ATAD2B: variants seen among roughly 807,000 people sequenced by gnomAD.
The protein encoded by ATAD2B is ATPase family AAA domain-containing protein 2B.
A neutral mutation model predicts 167.6 loss-of-function variants in ATAD2B; 40 were observed. The observed-to-expected ratio is 0.24, with a 90% CI of 0.19 to 0.31. The LOEUF is 0.31. Among genes scored for constraint, ATAD2B ranks in the 10% least tolerant of loss-of-function variants. The pLI is 1.00. For missense variants in ATAD2B, 1,242 were observed against 1,757.2 expected (o/e 0.71, Z 5.24); for synonymous variants, 579 against 596.5 (o/e 0.97, Z 0.43).
the ATAD2B span, among the ~76,000 whole-genome samples, chr2:23,721,400 C>A: frequency 6.6e-6 from 1 of 152,184 alleles, no homozygotes; most frequent in African/African-American, 2.4e-5. Flanking sequence ...CCATAGGCTG[C>A]CCCTGGAGGT....
At chr2:23,904,164 T>C (rs574696878) in intron 1 of ATAD2B, among the ~76,000 whole-genome samples, 6 of 152,072 alleles carry the variant, frequency 3.9e-5, no homozygotes, top group African/African-American at 1.2e-4. Flanking sequence ...AAAATGATCA[T>C]AGGTAACGTA....
At chr2:23,828,531 T>C (rs1292254924) in intron 15 of ATAD2B, among the ~76,000 whole-genome samples, 3 of 152,184 alleles carry the variant, frequency 2.0e-5, no homozygotes, top group African/African-American at 4.8e-5. Context: ...TTCAAGCTTA[T>C]TTTTCTTAGT....
chr2:23,852,413 T>TC (rs1385321842), intron 13 of ATAD2B, among the ~76,000 whole-genome samples: 1 of 152,004 alleles, frequency 6.6e-6, no homozygotes, highest in African/African-American at 2.4e-5. Flanking sequence ...GCATGCACCA[T>TC]CACACCCAGT....
chr2:23,768,714 T>C (rs920062204), intron 22 of ATAD2B, among the ~76,000 whole-genome samples: 9 of 152,228 alleles, frequency 5.9e-5, no homozygotes, highest in African/African-American at 2.2e-4. Context: ...GATCAGTTTA[T>C]ATTTTCTAGA....
intron 18 of ATAD2B, among the ~76,000 whole-genome samples, chr2:23,805,334 C>T (rs1684192957): frequency 6.6e-6 from 1 of 152,106 alleles, no homozygotes; most frequent in African/African-American, 2.4e-5. Context: ...GCCAAAGCAA[C>T]CATATTAACA....
chr2:23,694,871 C>T, the ATAD2B span, among the ~76,000 whole-genome samples: 1 of 152,148 alleles, frequency 6.6e-6, no homozygotes, highest in East Asian at 1.9e-4. Flanking sequence ...TCTTGCCCCT[C>T]GTGAATTTTT....
intron 13 of ATAD2B, among the ~76,000 whole-genome samples, chr2:23,850,290 G>C (rs1692364675): frequency 6.6e-6 from 1 of 152,066 alleles, no homozygotes. Context: ...CACAATGACT[G>C]TGTCAAAGAA....
chr2:23,808,991 G>C (rs1292681002), intron 18 of ATAD2B: 1 of 152,032 alleles, frequency 6.6e-6, no homozygotes, highest in Non-Finnish European at 1.5e-5. Context: ...TAATTCACCT[G>C]TGAAACCATC....
intron 13 of ATAD2B, among the ~76,000 whole-genome samples, chr2:23,853,068 A>C (rs1160872461): frequency 6.6e-6 from 1 of 152,226 alleles, no homozygotes. Context: ...AAACTCTCAC[A>C]GCAAACTAGG....
At chr2:23,907,004 C>T (rs1701603453) in intron 1 of ATAD2B, among the ~76,000 whole-genome samples, 1 of 149,618 alleles carries the variant, frequency 6.7e-6, no homozygotes, top group Non-Finnish European at 1.5e-5. Flanking sequence ...CACTCACAGC[C>T]AATATCATAC....
intron 17 of ATAD2B, among the ~76,000 whole-genome samples, chr2:23,818,324 CAG>C (rs1686898482): frequency 1.8e-5 from 2 of 112,300 alleles, no homozygotes; most frequent in African/African-American, 7.2e-5. Flanking sequence ...GAGAGAGAGA[CAG>C]AGAGACACAG....
At chr2:23,729,901 G>A in the ATAD2B span, among the ~76,000 whole-genome samples, 33 of 152,102 alleles carry the variant, frequency 2.2e-4, 1 homozygote, top group African/African-American at 7.7e-4. Flanking sequence ...ATACATGAAG[G>A]AAAAACTGAT....
chr2:23,736,294 T>C, the ATAD2B span, among the ~76,000 whole-genome samples: 1 of 152,196 alleles, frequency 6.6e-6, no homozygotes, highest in Admixed American at 6.5e-5. Flanking sequence ...GGGAAGACTC[T>C]GCTCTCTCCT....
chr2:23,693,288 C>T, the ATAD2B span: 3 of 1,542,768 alleles, frequency 1.9e-6, no homozygotes, highest in South Asian at 3.6e-5. Flanking sequence ...TGACGGCCAG[C>T]AACTGCCTGG....
chr2:23,926,411 A>C (rs1573498956), intron 1 of ATAD2B, 144 bp downstream of exon 1: 1 of 1,396,334 alleles, frequency 7.2e-7, no homozygotes, highest in South Asian at 1.5e-5. Flanking sequence ...TCTGGGTGCC[A>C]CCCTCCACCG....
At chr2:23,868,078 A>G (rs937254890) in intron 9 of ATAD2B, 132 bp from the exon 10 acceptor site, 1 of 641,488 alleles carries the variant, frequency 1.6e-6, no homozygotes, top group African/African-American at 1.9e-5. Context: ...ATATCAAAGG[A>G]TTTCATACTT....
chr2:23,842,389 C>T (rs1271123027), intron 13 of ATAD2B, among the ~76,000 whole-genome samples: 1 of 152,070 alleles, frequency 6.6e-6, no homozygotes, highest in Non-Finnish European at 1.5e-5. Flanking sequence ...AAAACAACTA[C>T]AAAGCCTATG....
intron 14 of ATAD2B, among the ~76,000 whole-genome samples, chr2:23,832,882 C>A (rs1689288877): frequency 6.6e-6 from 1 of 152,194 alleles, no homozygotes; most frequent in Non-Finnish European, 1.5e-5. Flanking sequence ...AACAAAAAAG[C>A]TGATGCTTCC....
intron 1 of ATAD2B, among the ~76,000 whole-genome samples, chr2:23,914,269 A>G (rs1001126115): frequency 1.3e-5 from 2 of 151,168 alleles, no homozygotes; most frequent in Non-Finnish European, 2.9e-5. Flanking sequence ...TAGTAAAACT[A>G]TATGTGTGTA....
Sources: allele counts gnomAD v4.1 joint callset (sites outside exome capture counted in the v4.1 genomes callset), GRCh38; gene constraint gnomAD v4.1.1; transcripts MANE v1.5; gene names NCBI Gene and HGNC (gene_info 2026-07-23, HGNC 2026-07-21).